The following TEX11 variants were observed in gnomAD, a reference collection of about 807,000 sequenced individuals.
TEX11 encodes testis-expressed protein 11.
In TEX11, 7 loss-of-function variants were observed where a neutral mutation model predicts 84.4. That is an observed-to-expected ratio of 0.08 (90% CI 0.05 to 0.16). The LOEUF is 0.16. TEX11 is among the 10% of genes least tolerant of loss of function. TEX11 has a pLI of 1.00. For synonymous variants in TEX11, 264 were observed against 222.8 expected (o/e 1.18, Z -1.64); for missense variants, 551 against 660.5 (o/e 0.83, Z 1.82).
intron 9 of TEX11, among the ~76,000 whole-genome samples, chrX:70,792,320 AT>A (rs2091126932): frequency 2.2e-4 from 1 of 4,449 alleles, no homozygotes; most frequent in African/African-American, 1.2e-3. Flanking sequence ...AAAAAAATAT[AT>A]ATATATATAT....
At chrX:70,681,487 T>C (rs1210938354) in intron 14 of TEX11, among the ~76,000 whole-genome samples, 2 of 112,397 alleles carry the variant, frequency 1.8e-5, no homozygotes, top group Admixed American at 1.9e-4. Flanking sequence ...TTCTAAAAAG[T>C]AAACAAACTT....
At chrX:70,650,575 A>C (rs2089798992) in intron 17 of TEX11, among the ~76,000 whole-genome samples, 1 of 111,674 alleles carries the variant, frequency 9.0e-6, no homozygotes, top group Admixed American at 9.5e-5. Flanking sequence ...CTAATTTACT[A>C]TTCCTTAATT....
intron 13 of TEX11, among the ~76,000 whole-genome samples, chrX:70,714,819 AT>A (rs2090480734): frequency 9.0e-6 from 1 of 111,637 alleles, no homozygotes; most frequent in South Asian, 3.8e-4. Flanking sequence ...TTATATGTGA[AT>A]TTGACCCTGT....
At chrX:70,640,125 G>A (rs199702605) in intron 17 of TEX11, among the ~76,000 whole-genome samples, 9,391 of 109,060 alleles carry the variant, frequency 0.086, 905 homozygotes, top group African/African-American at 0.27. Context: ...GAAGAATGCA[G>A]AAGCCTCAGG....
At chrX:70,766,961 C>T (rs1161402818) in intron 9 of TEX11, among the ~76,000 whole-genome samples, 2 of 111,695 alleles carry the variant, frequency 1.8e-5, no homozygotes, top group African/African-American at 6.5e-5. Context: ...ATACAAAAAT[C>T]AAATAAAAAT....
chrX:70,744,661 G>T (rs1204249282), intron 9 of TEX11, among the ~76,000 whole-genome samples: 2 of 109,499 alleles, frequency 1.8e-5, no homozygotes, highest in Non-Finnish European at 3.8e-5. Flanking sequence ...CAAGCTCTTA[G>T]TTGGCCATTT....
chrX:70,678,979 C>G, intron 14 of TEX11, 90 bp from the exon 15 acceptor site: 1 of 699,661 alleles, frequency 1.4e-6, no homozygotes, highest in Non-Finnish European at 2.1e-6. Flanking sequence ...CCCACGGTCT[C>G]CCTCTCCCTC....
intron 17 of TEX11, among the ~76,000 whole-genome samples, chrX:70,647,672 A>T (rs116442835): frequency 0.12 from 12,781 of 105,920 alleles, 629 homozygotes; most frequent in Middle Eastern, 0.21. Flanking sequence ...CTTCAAAAAA[A>T]TAAAAAATAA....
At chrX:70,786,890 C>T (rs757879662) in intron 9 of TEX11, among the ~76,000 whole-genome samples, 1 of 111,721 alleles carries the variant, frequency 9.0e-6, no homozygotes, top group African/African-American at 3.3e-5. Context: ...ATCCCAGCAC[C>T]GTGGGAGGCC....
chrX:70,815,738 C>T (rs1239317838), intron 8 of TEX11, among the ~76,000 whole-genome samples: 1 of 111,045 alleles, frequency 9.0e-6, no homozygotes, highest in Admixed American at 9.7e-5. Context: ...CATTGCTATC[C>T]ATTTCATCGC....
chrX:70,670,401 G>A lies in TEX11; in HGVS notation c.1356C>T (p.Tyr452=). The A allele has an allele frequency of 8.3e-7, 1 of 1,206,570 alleles. No homozygotes were observed. The highest frequency in any genetic ancestry group is 1.1e-6 in the Non-Finnish European group (1 of 894,062). The change falls in exon 16 of 30, where the codon TAC becomes TAT. Residue 452 remains tyrosine, a synonymous_variant. Transcript: ENST00000374333. ...TKLQRNMACC[Y]LNLQQLDKAK... ...CCTTATCAAGTTGTTGCAAATTCAG[G>A]TAACAGCAAGCCATGTTCCTCTGCA...
At chrX:70,656,785 C>T (rs1256452328) in intron 16 of TEX11, among the ~76,000 whole-genome samples, 1 of 111,994 alleles carries the variant, frequency 8.9e-6, no homozygotes, top group African/African-American at 3.2e-5. Flanking sequence ...TGGAGAACAG[C>T]AGTTGAAATT....
In TEX11 at chrX:70,885,888, C is replaced by CAAA. The variant is rs780384460; in HGVS notation, c.38-5782_38-5780dup. ...CCTGGGTAAGAGTGAGACACTGCCA[C>CAAA]AAAAAAAAAAAAAAAAGAAAAAGAA... On this transcript the variant is annotated intron_variant, in intron 2 of 29. Coordinates refer to ENST00000374333, the MANE Select transcript of TEX11 (RefSeq NM_031276.3). Among the ~76,000 whole-genome samples, 256 of 41,372 alleles carry CAAA rather than the reference C, an allele frequency of 6.2e-3. 6 individuals carry two copies. The highest frequency in any genetic ancestry group is 0.014 in the African/African-American group (219 of 15,227). 35.9% of individuals were successfully genotyped at this position (41,372 alleles called of 115,157 possible).
At chrX:70,801,193 C>CA (rs1277916305) in intron 9 of TEX11, among the ~76,000 whole-genome samples, 4 of 111,102 alleles carry the variant, frequency 3.6e-5, no homozygotes, top group African/African-American at 1.3e-4. Flanking sequence ...CACATACCCC[C>CA]AAGCAAGCAC....
chrX:70,580,693 C>T (rs903793019), intron 25 of TEX11, among the ~76,000 whole-genome samples: 66 of 111,867 alleles, frequency 5.9e-4, no homozygotes, highest in African/African-American at 1.9e-3. Context: ...TATTTTACTT[C>T]GGTCTGTTTT....
intron 25 of TEX11, among the ~76,000 whole-genome samples, chrX:70,589,202 T>C (rs2088893837): frequency 9.0e-6 from 1 of 110,519 alleles, no homozygotes. Context: ...TGTTTTCCAA[T>C]AGGGAATTTT....
chrX:70,698,549 A>T (rs749493695), intron 13 of TEX11, among the ~76,000 whole-genome samples: 1 of 109,845 alleles, frequency 9.1e-6, no homozygotes, highest in Admixed American at 9.8e-5. Context: ...CACCCTAGGA[A>T]ACTCCACAAA....
At chrX:70,605,374 G>A (rs181665742) in intron 24 of TEX11, 27 bp downstream of exon 24, 2 of 1,028,025 alleles carry the variant, frequency 1.9e-6, no homozygotes, top group East Asian at 3.1e-5. Flanking sequence ...CTGAACTCTT[G>A]TCTTTTCTTT....
chrX:70,560,907 T>G (rs1304900859), intron 25 of TEX11, among the ~76,000 whole-genome samples: 1 of 61,576 alleles, frequency 1.6e-5, no homozygotes, highest in Non-Finnish European at 3.2e-5. Context: ...TTTTTTTTTT[T>G]TTTTTTTTTT....
Sources: allele counts gnomAD v4.1 joint callset (sites outside exome capture counted in the v4.1 genomes callset), GRCh38; gene constraint gnomAD v4.1.1; transcripts MANE v1.5; gene names NCBI Gene and HGNC (gene_info 2026-07-23, HGNC 2026-07-21).